The following FARP1 variants were observed in gnomAD, a reference collection of about 807,000 sequenced individuals.
FARP1 encodes FERM, ARHGEF and pleckstrin domain-containing protein 1.
Under a neutral mutation model 128.8 loss-of-function variants are expected in FARP1, and 52 were observed. The ratio of observed to expected loss-of-function variants is 0.40; its 90% CI spans 0.32 to 0.51. The LOEUF (loss-of-function observed/expected upper bound fraction) is 0.51, where lower values mean the gene tolerates loss of function less well. Among genes scored for constraint, FARP1 ranks in the 20% least tolerant of loss-of-function variants. The probability of loss-of-function intolerance (pLI) is 0.45; values close to 1 mark genes in which losing one functional copy is unlikely to be tolerated. For synonymous variants in FARP1, 580 were observed against 551.8 expected (o/e 1.05, Z -0.72); for missense variants, 1,333 against 1,367.9 (o/e 0.97, Z 0.40).
intron 1 of FARP1, among the ~76,000 whole-genome samples, chr13:98,212,877 T>A (rs1179677394): frequency 6.6e-6 from 1 of 152,192 alleles, no homozygotes; most frequent in Non-Finnish European, 1.5e-5. Context: ...TGATATGGTT[T>A]AGGCACTGTT....
At chr13:98,317,907 C>T (rs1886794098) in intron 2 of FARP1, among the ~76,000 whole-genome samples, 1 of 151,180 alleles carries the variant, frequency 6.6e-6, no homozygotes, top group African/African-American at 2.4e-5. Context: ...TCCCTCCCTC[C>T]TTTCCTTCCT....
chr13:98,428,973 C>T (rs1462036337), intron 17 of FARP1, among the ~76,000 whole-genome samples: 1 of 152,250 alleles, frequency 6.6e-6, no homozygotes, highest in Non-Finnish European at 1.5e-5. Context: ...TCTGAATAAG[C>T]TCTGTGGGCT....
chr13:98,448,116 A>G (rs571543657), intron 26 of FARP1, 120 bp from the exon 27 acceptor site: 7 of 793,672 alleles, frequency 8.8e-6, no homozygotes, highest in Admixed American at 1.9e-5. Flanking sequence ...CTTCTGCTGA[A>G]GTGGCAGATT....
chr13:98,391,081 A>T (rs1361709297), intron 11 of FARP1, among the ~76,000 whole-genome samples: 1 of 152,138 alleles, frequency 6.6e-6, no homozygotes, highest in East Asian at 1.9e-4. Flanking sequence ...CGAGAGTGAG[A>T]TGAGAACAGA....
intron 6 of FARP1, among the ~76,000 whole-genome samples, chr13:98,379,189 A>AATATATAATCTATATATAAT (rs1889783264): frequency 1.4e-5 from 1 of 71,414 alleles, no homozygotes; most frequent in South Asian, 4.4e-4. Flanking sequence ...TAATATATAT[A>AATATATAATCTATATATAAT]ATATATAATA....
In FARP1 at chr13:98,160,672, T is replaced by TA. The variant is rs199988274; in HGVS notation, c.-24+17180_-24+17181insA. ...TTTTTAAAAATTTTTTTAATTTAAA[T>TA]TTTTTTTTTGAGACTGAGTCTTGCT... On this transcript the variant is annotated intron_variant, in intron 1 of 26. Coordinates refer to ENST00000319562, the MANE Select transcript of FARP1 (RefSeq NM_005766.4). Among the ~76,000 whole-genome samples, 148 of 151,830 alleles carry TA rather than the reference T, an allele frequency of 9.7e-4. 1 individual carries two copies. In the Middle Eastern group the frequency reaches 0.014, roughly 14 times the overall value.
intron 2 of FARP1, chr13:98,245,156 G>A (rs1313008684): frequency 6.1e-6 from 6 of 991,378 alleles, no homozygotes; most frequent in Non-Finnish European, 7.2e-6. Flanking sequence ...ATTCCTGAAA[G>A]GGTTTAGTTT....
chr13:98,294,791 C>T (rs1322576420), intron 2 of FARP1, among the ~76,000 whole-genome samples: 18 of 151,918 alleles, frequency 1.2e-4, no homozygotes, highest in African/African-American at 2.9e-4. Context: ...CTGAGGCAGG[C>T]GGATCACCTG....
At chr13:98,203,442 A>G (rs1262243143) in intron 1 of FARP1, among the ~76,000 whole-genome samples, 1 of 152,184 alleles carries the variant, frequency 6.6e-6, no homozygotes, top group Non-Finnish European at 1.5e-5. Flanking sequence ...TACTTTCTGG[A>G]TATTTATCCT....
intron 1 of FARP1, among the ~76,000 whole-genome samples, chr13:98,171,172 G>A (rs959195747): frequency 6.6e-6 from 1 of 152,116 alleles, no homozygotes; most frequent in African/African-American, 2.4e-5. Flanking sequence ...CCAACACCTC[G>A]TGCCTCATTT....
At position 98,393,405 on chromosome 13, in the gene FARP1, TACA is replaced by T. The variant is rs201023663; in HGVS notation, c.1089-233_1089-231del. Among the ~76,000 whole-genome samples the T allele has an allele frequency of 6.1e-3, 929 of 152,336 alleles. 14 individuals are homozygous for T. Among genetic ancestry groups the T allele is most frequent in the African/African-American group, 0.021 (875 of 41,572 alleles). ...TCTTCACGAGCTGCACCGTGAGAAC[TACA>T]ACAAGGGCTTCTGAGAATTTCTCCG... On this transcript the variant is annotated intron_variant, in intron 11 of 26. Coordinates refer to ENST00000319562, the MANE Select transcript of FARP1 (RefSeq NM_005766.4).
At chr13:98,353,707 T>C (rs1396513786) in intron 3 of FARP1, among the ~76,000 whole-genome samples, 4 of 152,196 alleles carry the variant, frequency 2.6e-5, no homozygotes, top group Non-Finnish European at 5.9e-5. Flanking sequence ...CATCTGTTTA[T>C]TTTAATATTA....
chr13:98,326,043 C>A (rs1282639670), intron 2 of FARP1, among the ~76,000 whole-genome samples: 1 of 152,232 alleles, frequency 6.6e-6, no homozygotes. Flanking sequence ...ATTGGGCAAT[C>A]CCTCAATAGC....
chr13:98,354,947 A>G (rs544019238), intron 3 of FARP1, among the ~76,000 whole-genome samples: 1 of 152,368 alleles, frequency 6.6e-6, no homozygotes, highest in South Asian at 2.1e-4. Context: ...AAAGAGTAGC[A>G]AAGAAAGCAA....
At chr13:98,376,530 C>G (rs964467300) in intron 5 of FARP1, among the ~76,000 whole-genome samples, 2 of 152,198 alleles carry the variant, frequency 1.3e-5, no homozygotes, top group African/African-American at 4.8e-5. Flanking sequence ...TGGATGGACA[C>G]TTAGGTTTCC....
upstream of FARP1, chr13:98,142,857 G>A (rs572346867): frequency 7.2e-5 from 11 of 151,982 alleles, no homozygotes; most frequent in African/African-American, 2.2e-4. Flanking sequence ...GCCGCGCGGA[G>A]CCCGGCCCTG....
chr13:98,273,243 A>G (rs1465813805), intron 2 of FARP1, among the ~76,000 whole-genome samples: 1 of 152,220 alleles, frequency 6.6e-6, no homozygotes, highest in African/African-American at 2.4e-5. Flanking sequence ...GTCAGCAGAA[A>G]GGAATGTTTA....
chr13:98,312,130 A>T (rs1886487946), intron 2 of FARP1, among the ~76,000 whole-genome samples: 2 of 55,240 alleles, frequency 3.6e-5, no homozygotes, highest in Non-Finnish European at 3.9e-5. Context: ...TGCAGGTGGT[A>T]ACTGCTTTTT....
chr13:98,165,710 G>T (rs1015013962), intron 1 of FARP1, among the ~76,000 whole-genome samples: 1,064 of 74,362 alleles, frequency 0.014, 24 homozygotes, highest in Non-Finnish European at 0.018. Context: ...TCCAGAAGGG[G>T]TTTTTTTTTT....
Sources: allele counts gnomAD v4.1 joint callset (sites outside exome capture counted in the v4.1 genomes callset), GRCh38; gene constraint gnomAD v4.1.1; transcripts MANE v1.5; gene names NCBI Gene and HGNC (gene_info 2026-07-23, HGNC 2026-07-21).